The following SLC24A2 variants were observed in gnomAD, a reference collection of about 807,000 sequenced individuals.
SLC24A2 encodes solute carrier family 24 member 2.
In SLC24A2, 36 loss-of-function variants were observed where a neutral mutation model predicts 62.0. That is an observed-to-expected ratio of 0.58 (90% CI 0.44 to 0.77). The LOEUF (loss-of-function observed/expected upper bound fraction) is 0.77, where lower values mean the gene tolerates loss of function less well. Among genes scored for constraint, SLC24A2 ranks in the 30% least tolerant of loss-of-function variants. SLC24A2 has a pLI of 0.00. For synonymous variants in SLC24A2, 358 were observed against 294.0 expected, an observed-to-expected ratio of 1.22 and a Z score of -2.23; for missense variants, 846 against 817.9, an observed-to-expected ratio of 1.03 and a Z score of -0.42.
the SLC24A2 span, among the ~76,000 whole-genome samples, chr9:19,873,552 T>TTCTTTCTCTC: frequency 6.7e-6 from 1 of 149,466 alleles, no homozygotes; most frequent in African/African-American, 2.5e-5. Context: ...CTTTCTTTCT[T>TTCTTTCTCTC]TCTCTCTCTC....
At chr9:20,132,336 T>C in the SLC24A2 span, among the ~76,000 whole-genome samples, 1 of 152,066 alleles carries the variant, frequency 6.6e-6, no homozygotes. Context: ...AGTTAGATGA[T>C]AGAGACAAGA....
chr9:19,678,269 C>T (rs1028823633), intron 2 of SLC24A2, among the ~76,000 whole-genome samples: 15 of 152,186 alleles, frequency 9.9e-5, no homozygotes, highest in Admixed American at 6.6e-4. Context: ...CACCACCCAA[C>T]AATCTAGTTT....
chr9:19,641,459 C>G (rs1818490900), intron 2 of SLC24A2, among the ~76,000 whole-genome samples: 2 of 152,034 alleles, frequency 1.3e-5, no homozygotes, highest in South Asian at 4.1e-4. Context: ...AGTTCAATCA[C>G]AAATTTAGAT....
At chr9:19,560,927 AGAGAG>A in intron 7 of SLC24A2, among the ~76,000 whole-genome samples, 1 of 137,668 alleles carries the variant, frequency 7.3e-6, no homozygotes, top group Non-Finnish European at 1.5e-5. Flanking sequence ...AGAGAGAGAG[AGAGAG>A]AGAGAGAGAG....
At chr9:19,715,443 A>C (rs1820830844) in intron 2 of SLC24A2, among the ~76,000 whole-genome samples, 1 of 152,228 alleles carries the variant, frequency 6.6e-6, no homozygotes, top group Non-Finnish European at 1.5e-5. Flanking sequence ...GAAGGTACAA[A>C]AAAATGATGG....
chr9:19,567,373 T>C (rs1835696930), intron 7 of SLC24A2, among the ~76,000 whole-genome samples: 1 of 151,298 alleles, frequency 6.6e-6, no homozygotes, highest in Non-Finnish European at 1.5e-5. Context: ...AATGAAACCC[T>C]GTCTCTACTA....
the SLC24A2 span, among the ~76,000 whole-genome samples, chr9:20,250,987 T>A: frequency 6.6e-6 from 1 of 152,166 alleles, no homozygotes; most frequent in Non-Finnish European, 1.5e-5. Flanking sequence ...GATGAGCTAC[T>A]CAAAATAGGC....
chr9:20,150,796 G>A, the SLC24A2 span, among the ~76,000 whole-genome samples: 42 of 151,486 alleles, frequency 2.8e-4, no homozygotes, highest in African/African-American at 7.0e-4. Context: ...ATTTAATAAC[G>A]AAAAATAAAT....
chr9:19,610,578 T>G (rs1479453821), intron 4 of SLC24A2, among the ~76,000 whole-genome samples: 1 of 152,154 alleles, frequency 6.6e-6, no homozygotes, highest in Admixed American at 6.5e-5. Flanking sequence ...CAGCAAACAT[T>G]TCCCATTGCA....
At chr9:19,567,383 A>G (rs932922673) in intron 7 of SLC24A2, among the ~76,000 whole-genome samples, 3 of 151,448 alleles carry the variant, frequency 2.0e-5, no homozygotes, top group African/African-American at 4.8e-5. Context: ...TGTCTCTACT[A>G]AAAATACAAA....
At chr9:19,557,879 CATG>C (rs1365381657) in intron 7 of SLC24A2, among the ~76,000 whole-genome samples, 3 of 150,378 alleles carry the variant, frequency 2.0e-5, no homozygotes, top group African/African-American at 7.4e-5. Flanking sequence ...AGTGCAGTGG[CATG>C]ATCTCAGCTC....
the SLC24A2 span, among the ~76,000 whole-genome samples, chr9:20,063,802 C>T: frequency 2.0e-5 from 3 of 151,960 alleles, no homozygotes; most frequent in Admixed American, 1.3e-4. Context: ...ATTAAGGAAA[C>T]TAAAACTACA....
At chr9:20,164,428 G>A in the SLC24A2 span, among the ~76,000 whole-genome samples, 143 of 151,980 alleles carry the variant, frequency 9.4e-4, no homozygotes, top group South Asian at 9.6e-3. Context: ...TCAAAACCAC[G>A]ATGAGATACC....
the SLC24A2 span, among the ~76,000 whole-genome samples, chr9:19,999,976 A>G: frequency 6.6e-6 from 1 of 152,150 alleles, no homozygotes; most frequent in Non-Finnish European, 1.5e-5. Flanking sequence ...GACAGTGTGG[A>G]GAGGTTCAGA....
At chr9:20,232,588 T>G in the SLC24A2 span, among the ~76,000 whole-genome samples, 1 of 152,192 alleles carries the variant, frequency 6.6e-6, no homozygotes, top group Non-Finnish European at 1.5e-5. Flanking sequence ...GATATCCCCT[T>G]TATCATTTTT....
At chr9:20,069,213 C>T in the SLC24A2 span, among the ~76,000 whole-genome samples, 1 of 152,112 alleles carries the variant, frequency 6.6e-6, no homozygotes, top group Non-Finnish European at 1.5e-5. Context: ...CTTTGCTGAA[C>T]TTAGTAAGGG....
chr9:19,907,097 A>G, the SLC24A2 span, among the ~76,000 whole-genome samples: 1 of 152,216 alleles, frequency 6.6e-6, no homozygotes, highest in Non-Finnish European at 1.5e-5. Context: ...GGCAAACTGA[A>G]TCCAGCAACA....
chr9:19,949,985 C>A, the SLC24A2 span, among the ~76,000 whole-genome samples: 1 of 152,280 alleles, frequency 6.6e-6, no homozygotes, highest in East Asian at 1.9e-4. Context: ...CCAGACCCAT[C>A]CACTGAATTG....
At chr9:20,102,918 G>C in the SLC24A2 span, among the ~76,000 whole-genome samples, 1 of 152,152 alleles carries the variant, frequency 6.6e-6, no homozygotes, top group African/African-American at 2.4e-5. Context: ...GGAAGCTCAA[G>C]GGATCAGGGA....
Sources: allele counts gnomAD v4.1 joint callset (sites outside exome capture counted in the v4.1 genomes callset), GRCh38; gene constraint gnomAD v4.1.1; transcripts MANE v1.5; gene names NCBI Gene and HGNC (gene_info 2026-07-23, HGNC 2026-07-21).